The following BPIFB1 variants were observed in gnomAD, a reference collection of about 807,000 sequenced individuals.
BPIFB1 encodes the protein BPI fold-containing family B member 1.
In BPIFB1, 34 loss-of-function variants were observed where a neutral mutation model predicts 55.1. The ratio of observed to expected loss-of-function variants is 0.62; its 90% CI spans 0.47 to 0.82. BPIFB1 has a LOEUF of 0.82. BPIFB1 is among the 40% of genes least tolerant of loss of function. The pLI is 0.00. For synonymous variants in BPIFB1, 236 were observed against 245.3 expected (o/e 0.96, Z 0.35); for missense variants, 532 against 593.1 (o/e 0.90, Z 1.07).
intron 15 of BPIFB1, among the ~76,000 whole-genome samples, chr20:33,308,801 CCA>C (rs1489265669): frequency 6.7e-6 from 1 of 149,218 alleles, no homozygotes; most frequent in South Asian, 2.1e-4. Context: ...AATACACACA[CCA>C]CACACATACA....
chr20:33,291,040 C>T lies in BPIFB1; in HGVS notation c.449C>T (p.Pro150Leu), dbSNP rs143008338. ...CGCATGGACACCAGTGCAAGTGGCC[C>T]CACCCGCCTGGTCCTCAGTGACTGT... is the stretch of plus-strand genomic sequence containing the variant. ...TIRMDTSASG[P>L]TRLVLSDCAT... The change falls in exon 5 of 16, where the codon CCC becomes CTC. Residue 150 changes from proline (P) to leucine (L), a missense_variant. Transcript: ENST00000253354. 13 of 1,613,666 alleles carry T rather than the reference C, an allele frequency of 8.1e-6. No homozygotes were observed. The African/African-American group carries it at 1.3e-4, about 17-fold the overall frequency.
At chr20:33,294,865 A>G (rs1360480239) in intron 6 of BPIFB1, among the ~76,000 whole-genome samples, 1 of 152,224 alleles carries the variant, frequency 6.6e-6, no homozygotes, top group Non-Finnish European at 1.5e-5. Context: ...TTTATTTGGC[A>G]TGAAGGGAAA....
Position 33,295,364 on chromosome 20 carries a change from G to A in BPIFB1, c.598-2161G>A, listed in dbSNP as rs185270633. ...CTCACTCCTATAATCCCAGCACTTT[G>A]GGAGGCCAAGGCAGGAGGATCCCCT... On this transcript the variant is annotated intron_variant, in intron 6 of 15. Transcript: ENST00000253354. Among the ~76,000 whole-genome samples the A allele has an allele frequency of 2.0e-3, 311 of 151,976 alleles. 1 individual carries two copies. The highest frequency in any genetic ancestry group is 6.9e-3 in the African/African-American group (287 of 41,430).
chr20:33,306,535 T>C lies in BPIFB1; in HGVS notation c.1319-376T>C, dbSNP rs566638019. The C allele has an allele frequency of 3.3e-5, 10 of 303,080 alleles. No individual in the cohort carries two copies. The South Asian group carries it at 5.4e-4, about 16-fold the overall frequency. The allele number at this position is 303,080 out of a possible 1,614,324, so 18.8% of individuals were successfully genotyped here. On this transcript the variant is annotated intron_variant, in intron 14 of 15. Coordinates refer to ENST00000253354, the MANE Select transcript of BPIFB1 (RefSeq NM_033197.3). Reference sequence around the variant, plus strand: ...CCCAACACTCTAATTCAGCCCCAGGTTGAATGAGGGGTGGGAAGGGTTTGT... The same window carrying C: ...CCCAACACTCTAATTCAGCCCCAGGCTGAATGAGGGGTGGGAAGGGTTTGT...
Position 33,309,514 on chromosome 20 carries a change from C to T in BPIFB1, c.1396-194C>T, listed in dbSNP as rs1981160196. 1.3e-5 allele frequency among the ~76,000 whole-genome samples: 2 copies of T among 152,200 alleles called. No individual in the cohort carries two copies. The highest frequency in any genetic ancestry group is 2.4e-5 in the African/African-American group (1 of 41,454). On this transcript the variant is annotated intron_variant, in intron 15 of 15. Coordinates refer to ENST00000253354, the MANE Select transcript of BPIFB1 (RefSeq NM_033197.3). This position sits in a 1 kb window ranked among gnomAD's most constrained non-coding sequence, Gnocchi z 4.4. ...GTCCCCATCTGCAAAATGGAGATGA[C>T]ATCAGGACCTGGTGTGGCATTAATG...
At position 33,306,988 on chromosome 20, in the gene BPIFB1, G is replaced by A. The variant is rs1201305371; in HGVS notation, c.1395+1G>A. The A allele has an allele frequency of 1.2e-6, 2 of 1,613,916 alleles. No homozygotes were observed. Among genetic ancestry groups the A allele is most frequent in the South Asian group, 1.1e-5 (1 of 91,084 alleles). On this transcript the variant is annotated splice_donor_variant, in intron 15 of 15. Coordinates refer to ENST00000253354, the MANE Select transcript of BPIFB1 (RefSeq NM_033197.3). LOFTEE classifies it high-confidence loss of function. ...GGCAGCTGAGTCCTCACTGACCAAG[G>A]TGAGTGGGTGTGGCCCTAAACATCC... is the stretch of plus-strand genomic sequence containing the variant.
At chr20:33,301,529 C>G in intron 9 of BPIFB1, 117 bp downstream of exon 9, 1 of 918,682 alleles carries the variant, frequency 1.1e-6, no homozygotes, top group Non-Finnish European at 1.6e-6. Flanking sequence ...ATGGAGATCT[C>G]ACTCCCTCCT....
intron 14 of BPIFB1, 51 bp downstream of exon 14, chr20:33,306,116 C>G (rs1002510478): frequency 1.9e-6 from 3 of 1,591,388 alleles, no homozygotes; most frequent in Non-Finnish European, 2.6e-6. Flanking sequence ...CTTGGCTTTA[C>G]TTCCCCTGCC....
intron 13 of BPIFB1, 126 bp downstream of exon 13, chr20:33,305,017 G>A (rs551917767): frequency 6.1e-5 from 65 of 1,071,664 alleles, no homozygotes; most frequent in East Asian, 3.0e-4. Flanking sequence ...GGGGCTGGCC[G>A]GTCTCCACCA....
chr20:33,295,247 T>A (rs1422905832), intron 6 of BPIFB1, among the ~76,000 whole-genome samples: 1 of 148,812 alleles, frequency 6.7e-6, no homozygotes, highest in East Asian at 2.0e-4. Context: ...AATAAATAAA[T>A]AAAATGGGGA....
chr20:33,297,269 A>C (rs976937622), intron 6 of BPIFB1, among the ~76,000 whole-genome samples: 1 of 152,270 alleles, frequency 6.6e-6, no homozygotes, highest in Non-Finnish European at 1.5e-5. Context: ...CAAGACAAGG[A>C]GTCAGAGAGG....
chr20:33,293,813 C>T (rs1481092339), intron 6 of BPIFB1, among the ~76,000 whole-genome samples: 2 of 152,120 alleles, frequency 1.3e-5, no homozygotes, highest in African/African-American at 4.8e-5. Context: ...TGCACTCCAG[C>T]CTAGGCATGA....
intron 11 of BPIFB1, among the ~76,000 whole-genome samples, chr20:33,303,588 G>A (rs1024685489): frequency 6.6e-6 from 1 of 152,174 alleles, no homozygotes; most frequent in Non-Finnish European, 1.5e-5. Flanking sequence ...ATGAGCCTGA[G>A]TCAGTTGCCC....
chr20:33,289,394 AC>A (rs1568647047), intron 3 of BPIFB1, among the ~76,000 whole-genome samples: 9 of 117,288 alleles, frequency 7.7e-5, no homozygotes, highest in Admixed American at 3.4e-4. Flanking sequence ...AAAAAAAAAA[AC>A]AAAAAAAAAA....
intron 6 of BPIFB1, among the ~76,000 whole-genome samples, chr20:33,297,162 C>G (rs1420939535): frequency 6.6e-6 from 1 of 152,236 alleles, no homozygotes; most frequent in Admixed American, 6.5e-5. Context: ...CTCAAGCGAT[C>G]CACCCACCTT....
At position 33,306,029 on chromosome 20, in the gene BPIFB1, G is replaced by C; in HGVS notation, c.1282G>C (p.Glu428Gln). Residue 428 changes from glutamate to glutamine, a missense_variant, in exon 14 of 16, where the codon GAG becomes CAG. Glu to Gln is a conservative substitution (Grantham distance 29). Coordinates refer to ENST00000253354, the MANE Select transcript of BPIFB1 (RefSeq NM_033197.3). ...TGATGTTCTGAAAAACATCATCACT[G>C]AGATCATCCACTCCATCCTGCTGCC... ...QPDVLKNIIT[E>Q]IIHSILLPNQ... is the part of the protein sequence containing the mutation. 1 of 1,614,108 alleles carries C rather than the reference G, an allele frequency of 6.2e-7. No individual in the cohort carries two copies. Among genetic ancestry groups the C allele is most frequent in the Non-Finnish European group, 8.5e-7 (1 of 1,180,024 alleles).
intron 1 of BPIFB1, among the ~76,000 whole-genome samples, chr20:33,284,232 T>G (rs867875667): frequency 1.3e-5 from 2 of 152,208 alleles, no homozygotes; most frequent in Admixed American, 6.5e-5. Context: ...GTAAGTCACT[T>G]GTCAAAGATC....
intron 15 of BPIFB1, 136 bp downstream of exon 15, chr20:33,307,123 C>T (rs1042756602): frequency 2.8e-6 from 2 of 706,898 alleles, no homozygotes; most frequent in African/African-American, 3.5e-5. Context: ...CTCAGGGCCT[C>T]ACCTCCTCAT....
rs769286115 is a variant in BPIFB1 at position 33,292,028 on chromosome 20, G to GC, written c.597+45dup. ...GGCCTCTCTGGCCTGTGGGCATTGC[G>GC]CCCCCTGTGGGGCTTGGGTGGAACT... On this transcript the variant is annotated intron_variant, in intron 6 of 15. Coordinates refer to ENST00000253354, the MANE Select transcript of BPIFB1 (RefSeq NM_033197.3). The GC allele has an allele frequency of 1.6e-5, 25 of 1,579,942 alleles. No homozygotes were observed. The South Asian group carries it at 2.4e-4, about 15-fold the overall frequency.
Sources: allele counts gnomAD v4.1 joint callset (sites outside exome capture counted in the v4.1 genomes callset), GRCh38; gene constraint gnomAD v4.1.1; non-coding constraint Gnocchi (gnomAD v3.1); transcripts MANE v1.5; gene names NCBI Gene and HGNC (gene_info 2026-07-23, HGNC 2026-07-21).